The following SHROOM3 variants were observed in gnomAD, a reference collection of about 807,000 sequenced individuals.
SHROOM3 encodes protein Shroom3.
In SHROOM3, 47 loss-of-function variants were observed where a neutral mutation model predicts 138.6. The ratio of observed to expected loss-of-function variants is 0.34; its 90% CI spans 0.27 to 0.43. SHROOM3 has a LOEUF of 0.43. SHROOM3 is among the 20% of genes least tolerant of loss of function. The pLI, the probability that SHROOM3 is intolerant of heterozygous loss-of-function variation, is 1.00. For synonymous variants in SHROOM3, 1,062 were observed against 1,063.3 expected, an observed-to-expected ratio of 1.00 and a Z score of 0.02; for missense variants, 2,491 against 2,596.5, an observed-to-expected ratio of 0.96 and a Z score of 0.88.
intron 10 of SHROOM3, among the ~76,000 whole-genome samples, chr4:76,772,293 G>A (rs923554243): frequency 4.0e-5 from 6 of 151,376 alleles, no homozygotes; most frequent in Non-Finnish European, 8.8e-5. Flanking sequence ...TAGTAGAGAC[G>A]GGGTTTTACC....
intron 10 of SHROOM3, among the ~76,000 whole-genome samples, chr4:76,772,461 T>C (rs943674456): frequency 6.6e-6 from 1 of 152,168 alleles, no homozygotes; most frequent in African/African-American, 2.4e-5. Flanking sequence ...TTTCTCCTAA[T>C]ACATTGCATT....
chr4:76,688,941 T>C (rs1461808924), intron 2 of SHROOM3: 100 of 983,492 alleles, frequency 1.0e-4, no homozygotes, highest in Non-Finnish European at 1.2e-4. Flanking sequence ...AAAGGATGGT[T>C]ATTTTCCTTG....
At chr4:76,485,194 A>G (rs1332017700) in intron 1 of SHROOM3, among the ~76,000 whole-genome samples, 3 of 152,098 alleles carry the variant, frequency 2.0e-5, no homozygotes, top group African/African-American at 7.2e-5. Flanking sequence ...CCTGTCTCTC[A>G]TTGATACTTG....
Position 76,483,608 on chromosome 4 carries a change from A to G in SHROOM3, c.168+47388A>G, listed in dbSNP as rs1731664731. ...GTGTGGTGATTCCTCAAGATCTAGA[A>G]CCAGAAATACCATTTGACCTAGCAA... On this transcript the variant is annotated intron_variant, in intron 1 of 10. Transcript: ENST00000296043. Among the ~76,000 whole-genome samples the G allele has an allele frequency of 1.3e-5, 2 of 152,218 alleles. 1 individual carries two copies. Among genetic ancestry groups the G allele is most frequent in the South Asian group, 4.1e-4 (2 of 4,830 alleles).
At chr4:76,485,975 CCTT>C (rs951563975) in intron 1 of SHROOM3, among the ~76,000 whole-genome samples, 1 of 152,062 alleles carries the variant, frequency 6.6e-6, no homozygotes, top group African/African-American at 2.4e-5. Context: ...CTGTTTTTCT[CCTT>C]CTTAAACACA....
At chr4:76,579,207 G>A (rs868569965) in intron 2 of SHROOM3, among the ~76,000 whole-genome samples, 1 of 150,622 alleles carries the variant, frequency 6.6e-6, no homozygotes, top group Non-Finnish European at 1.5e-5. Flanking sequence ...GGTGGCTCAC[G>A]CCTGTAATCC....
intron 2 of SHROOM3, among the ~76,000 whole-genome samples, chr4:76,698,281 G>T (rs1339945438): frequency 6.6e-6 from 1 of 152,174 alleles, no homozygotes; most frequent in Non-Finnish European, 1.5e-5. Context: ...TAAAAAAAGT[G>T]CATGTGAGCT....
In SHROOM3 at chr4:76,727,086, A is replaced by G. The variant is rs1010056278; in HGVS notation, c.456-3718A>G. On this transcript the variant is annotated intron_variant, in intron 3 of 10. Coordinates refer to ENST00000296043, the MANE Select transcript of SHROOM3 (RefSeq NM_020859.4). The stretch of plus-strand genomic sequence containing the variant: ...TCTACTACTGAGAGTGATTCTGCCA[A>G]CTCCCTTCACTAAGTAGTGGGAATG... Among the ~76,000 whole-genome samples, 17 of 152,092 alleles carry G rather than the reference A, an allele frequency of 1.1e-4. No individual in the cohort carries two copies. In the South Asian group the frequency reaches 3.5e-3, roughly 32 times the overall value.
chr4:76,649,970 C>A (rs1328500441), intron 2 of SHROOM3, among the ~76,000 whole-genome samples: 3 of 152,150 alleles, frequency 2.0e-5, no homozygotes, highest in Non-Finnish European at 4.4e-5. Flanking sequence ...TTGCAGAATT[C>A]AATTTCTGGT....
At chr4:76,652,922 T>C (rs1560580875) in intron 2 of SHROOM3, among the ~76,000 whole-genome samples, 1 of 152,092 alleles carries the variant, frequency 6.6e-6, no homozygotes, top group African/African-American at 2.4e-5. Context: ...TACTTGGTTG[T>C]TGAGGGATGT....
At chr4:76,536,345 A>G (rs1176399257) in intron 1 of SHROOM3, among the ~76,000 whole-genome samples, 1 of 152,200 alleles carries the variant, frequency 6.6e-6, no homozygotes, top group Non-Finnish European at 1.5e-5. Flanking sequence ...AGCTGAGCAT[A>G]TAGAGGTTTC....
Position 76,744,397 on chromosome 4 carries a change from T to C in SHROOM3, c.3753+2471T>C, listed in dbSNP as rs1354657444. On this transcript the variant is annotated intron_variant, in intron 5 of 10. Transcript: ENST00000296043. ...TCTTATATTGTCACTGTGCCAGGAC[T>C]GCATTCTTGAGCTTCCTCCCTCTCC... Among the ~76,000 whole-genome samples the C allele has an allele frequency of 2.6e-5, 4 of 152,338 alleles. No homozygotes were observed. In the South Asian group the frequency reaches 8.3e-4, roughly 32 times the overall value.
intron 2 of SHROOM3, among the ~76,000 whole-genome samples, chr4:76,674,642 G>A (rs114024881): frequency 0.015 from 2,022 of 136,770 alleles, 37 homozygotes; most frequent in African/African-American, 0.052. Context: ...CAAACGCTGC[G>A]TCCCCAGGCT....
rs535113259 is a variant in SHROOM3, at chr4:76,590,236, G to C, written c.323+34473G>C. Reference sequence around the variant, plus strand: ...AAAGTTTTCCTGAAGCCTAAATTGAGGACAGCACCCTCTCTCCTCTGGCTT... The same window carrying C: ...AAAGTTTTCCTGAAGCCTAAATTGACGACAGCACCCTCTCTCCTCTGGCTT... On this transcript the variant is annotated intron_variant, in intron 2 of 10. Transcript: ENST00000296043. 3.0e-4 allele frequency among the ~76,000 whole-genome samples: 46 copies of C among 152,250 alleles called. No homozygotes were observed. The East Asian group carries it at 8.3e-3, about 28-fold the overall frequency.
At chr4:76,598,244 T>A (rs1734431356) in intron 2 of SHROOM3, among the ~76,000 whole-genome samples, 1 of 151,988 alleles carries the variant, frequency 6.6e-6, no homozygotes, top group East Asian at 1.9e-4. Flanking sequence ...GCCAGGATGG[T>A]CTCGATCTCC....
chr4:76,639,905 A>T (rs1373933416), intron 2 of SHROOM3, among the ~76,000 whole-genome samples: 1 of 152,146 alleles, frequency 6.6e-6, no homozygotes, highest in Non-Finnish European at 1.5e-5. Flanking sequence ...TTAAAACTCA[A>T]AATAATGTCT....
chr4:76,516,188 T>C (rs549845469), intron 1 of SHROOM3, among the ~76,000 whole-genome samples: 1 of 152,362 alleles, frequency 6.6e-6, no homozygotes, highest in South Asian at 2.1e-4. Flanking sequence ...ATACTGACTT[T>C]ACCTCCTACT....
intron 1 of SHROOM3, among the ~76,000 whole-genome samples, chr4:76,524,476 G>T (rs1732638273): frequency 6.6e-6 from 1 of 152,188 alleles, no homozygotes; most frequent in Admixed American, 6.5e-5. Flanking sequence ...CGAAAACAGG[G>T]TTACTGGTGA....
chr4:76,555,489 G>T (rs1733464380), intron 1 of SHROOM3, 120 bp from the exon 2 acceptor site: 6 of 1,432,600 alleles, frequency 4.2e-6, no homozygotes, highest in Non-Finnish European at 5.8e-6. Context: ...AAGCGCTGGG[G>T]TGTGGCCCTA....
Sources: gnomAD v4.1 joint callset for allele counts (sites outside exome capture counted in the v4.1 genomes callset) on GRCh38, gnomAD v4.1.1 for gene constraint, MANE v1.5 for transcripts, NCBI Gene and HGNC (gene_info 2026-07-23, HGNC 2026-07-21) for gene names.